RAI14: variants seen among roughly 807,000 people sequenced by gnomAD.
RAI14 encodes retinoic acid induced 14, also known as ankycorbin.
In RAI14, 45 loss-of-function variants were observed where a neutral mutation model predicts 115.4. The observed-to-expected ratio is 0.39, with a 90% CI of 0.31 to 0.50. The LOEUF (loss-of-function observed/expected upper bound fraction) is 0.50. Ranked by LOEUF, RAI14 falls within the 20% of genes least tolerant of loss-of-function variation. RAI14 has a pLI of 0.85. For missense variants in RAI14, 939 were observed against 1,131.2 expected, an observed-to-expected ratio of 0.83 and a Z score of 2.44; for synonymous variants, 371 against 415.4, an observed-to-expected ratio of 0.89 and a Z score of 1.30.
At chr5:34,691,580 C>T (rs1427924055) in intron 2 of RAI14, among the ~76,000 whole-genome samples, 1 of 151,976 alleles carries the variant, frequency 6.6e-6, no homozygotes, top group Non-Finnish European at 1.5e-5. Flanking sequence ...TTTGTAGATG[C>T]CAATTTTTAG....
At chr5:34,786,345 G>T (rs1752294258) in intron 3 of RAI14, among the ~76,000 whole-genome samples, 1 of 152,170 alleles carries the variant, frequency 6.6e-6, no homozygotes, top group African/African-American at 2.4e-5. Flanking sequence ...AGTCACTGGG[G>T]CAACTACTTT....
At chr5:34,792,691 A>G (rs1407291103) in intron 3 of RAI14, among the ~76,000 whole-genome samples, 1 of 152,218 alleles carries the variant, frequency 6.6e-6, no homozygotes, top group Non-Finnish European at 1.5e-5. Context: ...TGAACTAGCA[A>G]TGGTTTTACT....
intron 3 of RAI14, among the ~76,000 whole-genome samples, chr5:34,768,875 G>A (rs1042425121): frequency 6.6e-6 from 1 of 151,414 alleles, no homozygotes; most frequent in Non-Finnish European, 1.5e-5. Context: ...TGTAATCCCA[G>A]CTACTCGAGA....
chr5:34,724,991 G>T (rs7733113), intron 2 of RAI14, among the ~76,000 whole-genome samples: 15,466 of 151,830 alleles, frequency 0.1, 950 homozygotes, highest in Middle Eastern at 0.21. Context: ...AAAAGCCTGG[G>T]TCTCTGTAAA....
At chr5:34,665,876 A>G (rs1166032081) in intron 1 of RAI14, among the ~76,000 whole-genome samples, 1 of 152,210 alleles carries the variant, frequency 6.6e-6, no homozygotes, top group Non-Finnish European at 1.5e-5. Context: ...GTGAAAAGTA[A>G]TAATTGTGGG....
intron 1 of RAI14, among the ~76,000 whole-genome samples, chr5:34,675,485 G>A (rs971448743): frequency 2.0e-5 from 3 of 152,178 alleles, no homozygotes; most frequent in African/African-American, 7.2e-5. Context: ...AGGCGTGGTG[G>A]CTCATGCCTG....
intron 3 of RAI14, among the ~76,000 whole-genome samples, chr5:34,769,498 C>T (rs185377352): frequency 1.6e-4 from 25 of 152,230 alleles, no homozygotes; most frequent in African/African-American, 3.9e-4. Context: ...ATTCTGTGTG[C>T]GCTAAGCCTC....
intron 1 of RAI14, among the ~76,000 whole-genome samples, chr5:34,680,869 T>C (rs1744335121): frequency 6.6e-6 from 1 of 152,190 alleles, no homozygotes. Context: ...TATCCTCAGT[T>C]AGTTTGGAGT....
At chr5:34,778,825 G>A (rs1000474486) in intron 3 of RAI14, among the ~76,000 whole-genome samples, 14 of 150,202 alleles carry the variant, frequency 9.3e-5, no homozygotes, top group Admixed American at 7.3e-4. Context: ...ATGACATTTC[G>A]TGTCTTTGAA....
At chr5:34,661,626 C>A (rs1166514513) in intron 1 of RAI14, among the ~76,000 whole-genome samples, 1 of 151,972 alleles carries the variant, frequency 6.6e-6, no homozygotes. Context: ...CTTTTTTTCT[C>A]CCAACATTTT....
chr5:34,680,966 A>G (rs2149872177), intron 1 of RAI14, among the ~76,000 whole-genome samples: 1 of 152,322 alleles, frequency 6.6e-6, no homozygotes, highest in Non-Finnish European at 1.5e-5. Context: ...TGTAAAGTAA[A>G]TTGGGCAAGA....
chr5:34,766,488 C>A (rs914271607), intron 3 of RAI14, among the ~76,000 whole-genome samples: 1 of 152,292 alleles, frequency 6.6e-6, no homozygotes, highest in South Asian at 2.1e-4. Flanking sequence ...GGATTTCAGA[C>A]TTGTGTGGGC....
At chr5:34,775,502 G>A (rs999174979) in intron 3 of RAI14, among the ~76,000 whole-genome samples, 11 of 152,158 alleles carry the variant, frequency 7.2e-5, no homozygotes, top group African/African-American at 2.4e-4. Context: ...GGAGGTCAAG[G>A]TGAGAGGATT....
At position 34,660,292 on chromosome 5, in the gene RAI14, C is replaced by T. The variant is rs113356040; in HGVS notation, c.-49+3817C>T. Among the ~76,000 whole-genome samples the T allele has an allele frequency of 9.2e-3, 1,367 of 149,380 alleles. 17 individuals are homozygous for T. Among genetic ancestry groups the T allele is most frequent in the African/African-American group, 0.031 (1,275 of 40,618 alleles). On this transcript the variant is annotated intron_variant, in intron 1 of 17. Coordinates refer to ENST00000265109, the MANE Select transcript of RAI14 (RefSeq NM_015577.3). The stretch of plus-strand genomic sequence containing the variant: ...TACTAAAAATACAAAATTACCCAGG[C>T]GTGGTGGCGCATGCCTGTAATCCCA...
chr5:34,801,147 C>T (rs1275904042), intron 4 of RAI14, among the ~76,000 whole-genome samples: 1 of 152,146 alleles, frequency 6.6e-6, no homozygotes, highest in African/African-American at 2.4e-5. Context: ...TTCTTACTTC[C>T]AAGAATCTCT....
chr5:34,766,854 T>C (rs1749448335), intron 3 of RAI14, among the ~76,000 whole-genome samples: 1 of 152,212 alleles, frequency 6.6e-6, no homozygotes, highest in Admixed American at 6.5e-5. Context: ...TCCTACATAT[T>C]GTGGGGGTAC....
intron 4 of RAI14, 110 bp downstream of exon 4, chr5:34,796,137 G>A (rs1256762396): frequency 3.6e-6 from 3 of 833,388 alleles, no homozygotes; most frequent in South Asian, 1.6e-5. Context: ...AACTCATCCT[G>A]TAATTACAGC....
At position 34,665,100 on chromosome 5, in the gene RAI14, T is replaced by C. The variant is rs1743036694; in HGVS notation, c.-49+8625T>C. Among the ~76,000 whole-genome samples the C allele has an allele frequency of 1.2e-4, 5 of 42,862 alleles. 1 individual carries two copies. The highest frequency in any genetic ancestry group is 3.5e-4 in the African/African-American group (5 of 14,406). 28.1% of individuals were successfully genotyped at this position (42,862 alleles called of 152,430 possible). A position where few individuals can be genotyped will look rare whatever the true frequency, so the allele number is the denominator to read the frequency against. ...ATATGTGTATATATATGTGTATATA[T>C]ATGTGTATATATATGTGTATATATG... On this transcript the variant is annotated intron_variant, in intron 1 of 17. Transcript: ENST00000265109.
chr5:34,696,411 C>T (rs1739244028), intron 2 of RAI14, among the ~76,000 whole-genome samples: 1 of 152,210 alleles, frequency 6.6e-6, no homozygotes, highest in African/African-American at 2.4e-5. Flanking sequence ...GCTGGGATTA[C>T]AGGCGTGAGC....
Sources: allele counts gnomAD v4.1 joint callset (sites outside exome capture counted in the v4.1 genomes callset), GRCh38; gene constraint gnomAD v4.1.1; transcripts MANE v1.5; gene names NCBI Gene and HGNC (gene_info 2026-07-23, HGNC 2026-07-21).